VPS13D: variants seen among roughly 807,000 people sequenced by gnomAD.
The protein encoded by VPS13D is vacuolar protein sorting 13 homolog D, also known as intermembrane lipid transfer protein VPS13D.
VPS13D carries 187 observed loss-of-function variants against 461.9 expected under a neutral mutation model. The observed-to-expected ratio is 0.40, with a 90% confidence interval of 0.36 to 0.46. The LOEUF (loss-of-function observed/expected upper bound fraction) is 0.46, where lower values mean the gene tolerates loss of function less well. Ranked by LOEUF, VPS13D falls within the 20% of genes least tolerant of loss-of-function variation. The pLI, the probability that VPS13D is intolerant of heterozygous loss-of-function variation, is 0.60. For missense variants in VPS13D, 4,711 were observed against 5,364.9 expected (o/e 0.88, Z 3.81); for synonymous variants, 1,951 against 1,986.3 (o/e 0.98, Z 0.47).
Position 12,261,017 on chromosome 1 carries a change from G to A in VPS13D, c.1282G>A (p.Gly428Arg), listed in dbSNP as rs1244887228. Reference sequence around the variant, plus strand: ...AGCCCCAGAACCCGGTGGAGGCAGTGGGATGCTGCAGTATCTCCAGTCCTG... The same window carrying A: ...AGCCCCAGAACCCGGTGGAGGCAGTAGGATGCTGCAGTATCTCCAGTCCTG... The part of the protein sequence containing the change: ...PGAPEPGGGS[G>R]MLQYLQSWFP... Residue 428 changes from glycine to arginine, a missense_variant, in exon 12 of 70, where the codon GGG becomes AGG. Gly to Arg is a moderately radical substitution (Grantham distance 125). Coordinates refer to ENST00000620676, the MANE Select transcript of VPS13D (RefSeq NM_015378.4). 5 of 1,614,022 alleles carry A rather than the reference G, an allele frequency of 3.1e-6. No homozygotes were observed. The highest frequency in any genetic ancestry group is 1.7e-4 in the Middle Eastern group (1 of 5,934).
chr1:12,492,868 C>T (rs1350429137), intron 67 of VPS13D, among the ~76,000 whole-genome samples: 1 of 152,186 alleles, frequency 6.6e-6, no homozygotes, highest in Non-Finnish European at 1.5e-5. Flanking sequence ...CAGCGACATC[C>T]TTTTTCAAAA....
Position 12,283,131 on chromosome 1 carries a change from T to C in VPS13D, c.5029T>C (p.Leu1677=), listed in dbSNP as rs770557678. 14 of 1,614,186 alleles carry C rather than the reference T, an allele frequency of 8.7e-6. No individual in the cohort carries two copies. Among genetic ancestry groups the C allele is most frequent in the Admixed American group, 3.3e-5 (2 of 60,026 alleles). The change falls in exon 21 of 70, where the codon TTG becomes CTG. Residue 1677 remains leucine, a synonymous_variant. Coordinates refer to ENST00000620676, the MANE Select transcript of VPS13D (RefSeq NM_015378.4). ...GCATTCTCTGCTGATGGAGGACTTA[T>C]TGGAGAAGAATCCAGATTCTAAATA... ...ALHSLLMEDL[L]EKNPDSKYKN...
intron 1 of VPS13D, among the ~76,000 whole-genome samples, chr1:12,233,361 G>C (rs935951543): frequency 2.6e-5 from 4 of 152,120 alleles, no homozygotes; most frequent in Non-Finnish European, 5.9e-5. Flanking sequence ...CTTAATCTAG[G>C]ATAAGGTTTC....
chr1:12,330,691 C>G (rs182372540), intron 37 of VPS13D, among the ~76,000 whole-genome samples: 1 of 151,972 alleles, frequency 6.6e-6, no homozygotes, highest in Non-Finnish European at 1.5e-5. Context: ...CTCAGCCTCC[C>G]GAGTAGCTGG....
chr1:12,314,376 T>G, intron 30 of VPS13D, 49 bp downstream of exon 30: 1 of 1,574,934 alleles, frequency 6.3e-7, no homozygotes, highest in Non-Finnish European at 8.7e-7. Context: ...GACATTCCCT[T>G]TTGGGTCACG....
chr1:12,234,950 A>G (rs961591339), intron 2 of VPS13D, among the ~76,000 whole-genome samples: 9 of 152,348 alleles, frequency 5.9e-5, no homozygotes, highest in African/African-American at 2.2e-4. Context: ...AGCTTCAGAC[A>G]TTTTACCCTT....
chr1:12,230,947 G>T (rs1243346810), intron 1 of VPS13D, among the ~76,000 whole-genome samples: 2 of 152,148 alleles, frequency 1.3e-5, no homozygotes, highest in Admixed American at 1.3e-4. Context: ...TCCGGGCAGT[G>T]CCGTTCCTGT....
At chr1:12,383,318 A>G (rs1286458196) in intron 58 of VPS13D, among the ~76,000 whole-genome samples, 163 bp downstream of exon 58, 2 of 152,366 alleles carry the variant, frequency 1.3e-5, no homozygotes, top group South Asian at 2.1e-4. Context: ...AGTTGTTACA[A>G]GAACTAAAGT....
rs556191688 is a variant in VPS13D, at chr1:12,279,365, C to T, written c.4451-134C>T. ...AAGGTTTGCTCTCAATCATAGACCC[C>T]GGGTGCCAGGCTAACCTGCCCTCCT... is the stretch of plus-strand genomic sequence containing the variant. On this transcript the variant is annotated intron_variant, in intron 19 of 69. Coordinates refer to ENST00000620676, the MANE Select transcript of VPS13D (RefSeq NM_015378.4). This position sits in a 1 kb window ranked among gnomAD's most constrained non-coding sequence, Gnocchi z 4.3. 2.7e-5 allele frequency: 26 copies of T among 978,270 alleles called. No homozygotes were observed. Among genetic ancestry groups the T allele is most frequent in the Non-Finnish European group, 3.4e-5 (24 of 714,424 alleles). The allele number at this position is 978,270 out of a possible 1,614,324, so 60.6% of individuals were successfully genotyped here.
At position 12,240,511 on chromosome 1, in the gene VPS13D, C is replaced by CT. The variant is rs1053827163; in HGVS notation, c.98-2000dup. 2.1e-5 allele frequency among the ~76,000 whole-genome samples: 3 copies of CT among 145,570 alleles called. No homozygotes were observed. In the East Asian group the frequency reaches 6.5e-4, roughly 31 times the overall value. On this transcript the variant is annotated intron_variant, in intron 2 of 69. Coordinates refer to ENST00000620676, the MANE Select transcript of VPS13D (RefSeq NM_015378.4). ...TCGGGAGGCTGAGACTGGAGAATCG[C>CT]TTGAACCCAGGAGGCGGAGTTTGCA...
chr1:12,243,363 A>G (rs984105488), intron 3 of VPS13D, among the ~76,000 whole-genome samples: 2 of 152,200 alleles, frequency 1.3e-5, no homozygotes, highest in Non-Finnish European at 2.9e-5. Context: ...CTTCCAGGCT[A>G]AAGAGATCCT....
chr1:12,492,749 A>G (rs148800108), intron 67 of VPS13D, among the ~76,000 whole-genome samples: 2 of 152,362 alleles, frequency 1.3e-5, no homozygotes, highest in Non-Finnish European at 2.9e-5. Flanking sequence ...CATCAACAGG[A>G]AGATGGATAT....
At chr1:12,249,606 T>G in intron 6 of VPS13D, 3 of 276,794 alleles carry the variant, frequency 1.1e-5, no homozygotes, top group Non-Finnish European at 2.0e-5. Context: ...TTTGATTTTT[T>G]TCTCGTGTTA....
intron 60 of VPS13D, among the ~76,000 whole-genome samples, chr1:12,397,134 A>G (rs751352270): frequency 5.9e-5 from 9 of 152,112 alleles, no homozygotes; most frequent in Non-Finnish European, 1.3e-4. Flanking sequence ...GGGTTTCGCC[A>G]TGTTGGCCAG....
At chr1:12,343,099 A>G in intron 42 of VPS13D, 48 bp downstream of exon 42, 1 of 1,536,468 alleles carries the variant, frequency 6.5e-7, no homozygotes, top group Non-Finnish European at 8.9e-7. Flanking sequence ...AGTGGATGTA[A>G]GTGAGGGTCC....
At chr1:12,333,056 C>T (rs943396295) in intron 37 of VPS13D, among the ~76,000 whole-genome samples, 170 bp from the exon 38 acceptor site, 13 of 152,134 alleles carry the variant, frequency 8.5e-5, no homozygotes, top group Non-Finnish European at 1.5e-4. Context: ...ACGCAGACAT[C>T]TGTAGGGTGA....
chr1:12,278,185 A>G, intron 19 of VPS13D, 147 bp downstream of exon 19: 2 of 841,106 alleles, frequency 2.4e-6, no homozygotes, highest in Non-Finnish European at 3.5e-6. Context: ...GTTTTAATAG[A>G]ATGCCTTGTA....
At chr1:12,237,042 T>A (rs1640170926) in intron 2 of VPS13D, among the ~76,000 whole-genome samples, 2 of 152,002 alleles carry the variant, frequency 1.3e-5, no homozygotes. Context: ...GGAGTGGACT[T>A]CAAAGAGATT....
Position 12,460,199 on chromosome 1 carries a change from A to G in VPS13D, c.12467-2A>G. 1 of 1,565,586 alleles carries G rather than the reference A, an allele frequency of 6.4e-7. No individual in the cohort carries two copies. The highest frequency in any genetic ancestry group is 1.7e-4 in the Middle Eastern group (1 of 5,878). ...TACAACAGCCCTTGTCTTTTTCACT[A>G]GGTATCATTGGTGGACTGACCAGTG... On this transcript the variant is annotated splice_acceptor_variant, in intron 66 of 69. Transcript: ENST00000620676. LOFTEE classifies it high-confidence loss of function.
Sources: allele counts gnomAD v4.1 joint callset (sites outside exome capture counted in the v4.1 genomes callset), GRCh38; gene constraint gnomAD v4.1.1; non-coding constraint Gnocchi (gnomAD v3.1); transcripts MANE v1.5; gene names NCBI Gene and HGNC (gene_info 2026-07-23, HGNC 2026-07-21).